Variants in EPS15 observed in about 807,000 individuals in gnomAD.
EPS15 encodes epidermal growth factor receptor substrate 15.
Under a neutral mutation model 113.8 loss-of-function variants are expected in EPS15, and 72 were observed. The ratio of observed to expected loss-of-function variants is 0.63; its 90% CI spans 0.52 to 0.77. The LOEUF (loss-of-function observed/expected upper bound fraction) is 0.77, where lower values mean the gene tolerates loss of function less well. Among genes scored for constraint, EPS15 ranks in the 30% least tolerant of loss-of-function variants. EPS15 has a pLI of 0.00. For synonymous variants in EPS15, 344 were observed against 363.4 expected (o/e 0.95, Z 0.61); for missense variants, 1,048 against 1,045.8 (o/e 1.00, Z -0.03).
chr1:51,365,104 T>A (rs1288880992), intron 22 of EPS15, among the ~76,000 whole-genome samples: 1 of 152,214 alleles, frequency 6.6e-6, no homozygotes, highest in Non-Finnish European at 1.5e-5. Context: ...AGTGCTGGGA[T>A]AACAGGCATG....
At chr1:51,496,936 T>A (rs1393982134) in intron 1 of EPS15, among the ~76,000 whole-genome samples, 3 of 151,962 alleles carry the variant, frequency 2.0e-5, no homozygotes, top group Non-Finnish European at 1.5e-5. Flanking sequence ...AGTTCTAGAA[T>A]TTTTTTCAGT....
intron 1 of EPS15, among the ~76,000 whole-genome samples, chr1:51,484,218 A>G (rs890345106): frequency 2.0e-5 from 3 of 152,134 alleles, no homozygotes; most frequent in African/African-American, 7.2e-5. Context: ...TCATTGTCCC[A>G]GCATCCCATT....
At chr1:51,414,411 C>T (rs1250370739) in intron 13 of EPS15, among the ~76,000 whole-genome samples, 2 of 148,638 alleles carry the variant, frequency 1.3e-5, no homozygotes, top group Non-Finnish European at 3.0e-5. Context: ...AGTGAAACTC[C>T]ATCTCAAAAA....
At chr1:51,387,889 C>T (rs1353034998) in intron 21 of EPS15, among the ~76,000 whole-genome samples, 1 of 152,190 alleles carries the variant, frequency 6.6e-6, no homozygotes, top group African/African-American at 2.4e-5. Flanking sequence ...TAACACCCCA[C>T]TGTTAACATT....
chr1:51,508,346 A>AAG (rs1491059732), intron 1 of EPS15, among the ~76,000 whole-genome samples: 1 of 126,070 alleles, frequency 7.9e-6, no homozygotes, highest in Non-Finnish European at 1.8e-5. Flanking sequence ...GAGAGAAAGA[A>AAG]AGAAAGAAAG....
At chr1:51,517,852 A>T (rs2148575483) in intron 1 of EPS15, among the ~76,000 whole-genome samples, 1 of 152,366 alleles carries the variant, frequency 6.6e-6, no homozygotes, top group East Asian at 1.9e-4. Context: ...TGAAGCATGT[A>T]CGTGACTCCT....
chr1:51,387,777 A>T (rs370194540), intron 21 of EPS15, among the ~76,000 whole-genome samples: 1 of 152,030 alleles, frequency 6.6e-6, no homozygotes, highest in Non-Finnish European at 1.5e-5. Context: ...TAACTATCCT[A>T]AGTATATATG....
At chr1:51,452,921 G>A (rs2148489433) in intron 8 of EPS15, among the ~76,000 whole-genome samples, 2 of 152,324 alleles carry the variant, frequency 1.3e-5, no homozygotes, top group Middle Eastern at 3.4e-3. Flanking sequence ...GGTTGGGCCT[G>A]AGAATTTGCA....
chr1:51,472,824 A>G, intron 3 of EPS15, 35 bp downstream of exon 3: 1 of 1,488,032 alleles, frequency 6.7e-7, no homozygotes, highest in South Asian at 1.1e-5. Flanking sequence ...CATTCCTTAC[A>G]AACTTATAAT....
chr1:51,358,930 C>A (rs1020616914), intron 24 of EPS15, among the ~76,000 whole-genome samples: 10 of 151,828 alleles, frequency 6.6e-5, no homozygotes, highest in African/African-American at 2.4e-4. Flanking sequence ...TCTCACACTC[C>A]TGACCTCAAG....
At chr1:51,364,273 A>T (rs538697930) in intron 22 of EPS15, among the ~76,000 whole-genome samples, 50 of 152,282 alleles carry the variant, frequency 3.3e-4, no homozygotes, top group African/African-American at 1.1e-3. Context: ...AAAACAGCTC[A>T]ATCTAGATTA....
At position 51,370,379 on chromosome 1, in the gene EPS15, T is replaced by C. The variant is rs78182611; in HGVS notation, c.2120-4350A>G. ...TGCAGATTTTGGAATATTTGCACTG[T>C]ATATGCTTATAAGTTGAGTACTCCA... is the stretch of plus-strand genomic sequence containing the variant. On this transcript the variant is annotated intron_variant, in intron 21 of 24. Coordinates refer to ENST00000371733, the MANE Select transcript of EPS15 (RefSeq NM_001981.3). Among the ~76,000 whole-genome samples the C allele has an allele frequency of 9.2e-5, 14 of 152,290 alleles. No individual in the cohort carries two copies. The East Asian group carries it at 2.7e-3, about 29-fold the overall frequency.
In EPS15 at chr1:51,356,495, A is replaced by G; in HGVS notation, c.*205T>C. The G allele has an allele frequency of 2.1e-6, 1 of 472,106 alleles. No homozygotes were observed. The highest frequency in any genetic ancestry group is 3.1e-5 in the South Asian group (1 of 32,464). The allele number at this position is 472,106 out of a possible 1,614,324, so 29.2% of individuals were successfully genotyped here. On this transcript the variant is annotated 3_prime_UTR_variant, in exon 25 of 25. Transcript: ENST00000371733. ...GCCTAAGTGAAGGTGAATTTGTCTG[A>G]CTGGGTTACGGCTTTTATAAGAAAA...
At chr1:51,484,744 T>C (rs935160998) in intron 1 of EPS15, among the ~76,000 whole-genome samples, 1 of 152,154 alleles carries the variant, frequency 6.6e-6, no homozygotes, top group Non-Finnish European at 1.5e-5. Context: ...TTGCAAAATA[T>C]TAGGAGAAAT....
intron 21 of EPS15, among the ~76,000 whole-genome samples, chr1:51,385,441 A>C (rs1647040554): frequency 6.6e-6 from 1 of 152,220 alleles, no homozygotes; most frequent in Non-Finnish European, 1.5e-5. Flanking sequence ...TACTGGAACC[A>C]CTGTGAATTG....
intron 22 of EPS15, among the ~76,000 whole-genome samples, chr1:51,364,440 T>C (rs939914869): frequency 1.3e-5 from 2 of 152,042 alleles, no homozygotes; most frequent in African/African-American, 4.8e-5. Context: ...AAATATAAGA[T>C]TTAATACTAA....
At chr1:51,446,584 G>T (rs1653073366) in intron 10 of EPS15, among the ~76,000 whole-genome samples, 1 of 151,762 alleles carries the variant, frequency 6.6e-6, no homozygotes. Context: ...CTCCCGAGTA[G>T]CTGGAACTAC....
At chr1:51,389,472 C>A (rs1159350744) in intron 21 of EPS15, among the ~76,000 whole-genome samples, 2 of 152,126 alleles carry the variant, frequency 1.3e-5, no homozygotes, top group African/African-American at 4.8e-5. Flanking sequence ...TGGCCAGGGC[C>A]ATTAGGCAGG....
intron 17 of EPS15, among the ~76,000 whole-genome samples, chr1:51,402,930 G>C (rs975052900): frequency 2.0e-5 from 3 of 152,094 alleles, no homozygotes; most frequent in Non-Finnish European, 4.4e-5. Context: ...ATCAACTGAT[G>C]GTAATGTAAC....
Sources: gnomAD v4.1 joint callset for allele counts (sites outside exome capture counted in the v4.1 genomes callset) on GRCh38, gnomAD v4.1.1 for gene constraint, MANE v1.5 for transcripts, NCBI Gene and HGNC (gene_info 2026-07-23, HGNC 2026-07-21) for gene names.